Variants in CDH23 observed in about 807,000 individuals in gnomAD.
CDH23 encodes cadherin-23.
In CDH23, 189 loss-of-function variants were observed where a neutral mutation model predicts 317.1. That is an observed-to-expected ratio of 0.60 (90% CI 0.53 to 0.67). The LOEUF (loss-of-function observed/expected upper bound fraction) is 0.67, where lower values mean the gene tolerates loss of function less well. CDH23 is among the 30% of genes least tolerant of loss of function. The pLI is 0.00. For synonymous variants in CDH23, 1,839 were observed against 1,876.8 expected (o/e 0.98, Z 0.52); for missense variants, 4,401 against 4,592.4 (o/e 0.96, Z 1.20).
intron 11 of CDH23, among the ~76,000 whole-genome samples, chr10:71,626,065 T>C (rs1362766241): frequency 6.6e-6 from 1 of 152,262 alleles, no homozygotes; most frequent in Non-Finnish European, 1.5e-5. Context: ...GACTGACTGC[T>C]AAGTCTCCTT....
chr10:71,615,442 C>T, intron 9 of CDH23, 62 bp from the exon 10 acceptor site: 2 of 1,179,376 alleles, frequency 1.7e-6, no homozygotes, highest in Non-Finnish European at 2.5e-6. Flanking sequence ...GCCCCCCTGC[C>T]CCCAGCTCCA....
intron 11 of CDH23, among the ~76,000 whole-genome samples, chr10:71,625,168 G>T (rs74145209): frequency 3.4e-4 from 52 of 151,898 alleles, no homozygotes; most frequent in Non-Finnish European, 6.6e-4. Context: ...CTTGGGACCC[G>T]AGGGTTGAGA....
intron 28 of CDH23, chr10:71,715,313 G>C (rs566724576): frequency 1.2e-4 from 19 of 152,390 alleles, no homozygotes; most frequent in African/African-American, 4.6e-4. Flanking sequence ...CCAAGACCAT[G>C]CTTGGAGAGC....
chr10:71,811,892 C>T (rs1259023210), intron 65 of CDH23, 63 bp from the exon 66 acceptor site: 5 of 1,608,858 alleles, frequency 3.1e-6, no homozygotes, highest in Admixed American at 1.7e-5. Flanking sequence ...CCCTCACCCC[C>T]CAACACCACC....
At chr10:71,451,961 G>A (rs1385660751) in intron 3 of CDH23, among the ~76,000 whole-genome samples, 1 of 152,236 alleles carries the variant, frequency 6.6e-6, no homozygotes, top group East Asian at 1.9e-4. Context: ...GGCATGTCGG[G>A]AGCGAGGTGT....
chr10:71,674,442 T>G (rs1677668665), intron 14 of CDH23, among the ~76,000 whole-genome samples: 1 of 152,184 alleles, frequency 6.6e-6, no homozygotes, highest in Admixed American at 6.5e-5. Context: ...GACCCCAAAG[T>G]CAGTCTGAGG....
intron 3 of CDH23, among the ~76,000 whole-genome samples, chr10:71,478,846 T>G (rs1314442527): frequency 6.6e-6 from 1 of 152,202 alleles, no homozygotes; most frequent in African/African-American, 2.4e-5. Flanking sequence ...TTAGAGCCCC[T>G]CCTTAACAAA....
intron 9 of CDH23, among the ~76,000 whole-genome samples, chr10:71,593,921 C>A (rs764344964): frequency 6.6e-6 from 1 of 152,138 alleles, no homozygotes; most frequent in East Asian, 1.9e-4. Context: ...GGAGTTTAGA[C>A]CAGCCTGGGC....
At chr10:71,592,364 TA>T (rs11295834) in intron 9 of CDH23, among the ~76,000 whole-genome samples, 38,550 of 152,094 alleles carry the variant, frequency 0.25, 5,631 homozygotes, top group African/African-American at 0.4. Context: ...CTTAGTGGCT[TA>T]AAAACCACAG....
intron 11 of CDH23, among the ~76,000 whole-genome samples, chr10:71,621,632 A>G (rs548901277): frequency 6.6e-6 from 1 of 152,206 alleles, no homozygotes; most frequent in Non-Finnish European, 1.5e-5. Context: ...TCTGCGGGGC[A>G]GTCGAGGGAG....
At chr10:71,758,419 A>C (rs1284301577) in intron 38 of CDH23, among the ~76,000 whole-genome samples, 2 of 152,170 alleles carry the variant, frequency 1.3e-5, no homozygotes, top group African/African-American at 4.8e-5. Flanking sequence ...TTCTCAGAAG[A>C]GGGAGGTGCC....
intron 9 of CDH23, among the ~76,000 whole-genome samples, chr10:71,595,528 G>A (rs1859782101): frequency 6.6e-6 from 1 of 152,190 alleles, no homozygotes; most frequent in South Asian, 2.1e-4. Flanking sequence ...TGGCCACCTG[G>A]TTGGCCTGGG....
intron 22 of CDH23, among the ~76,000 whole-genome samples, chr10:71,701,760 A>G (rs1865594518): frequency 6.6e-6 from 1 of 152,084 alleles, no homozygotes; most frequent in Non-Finnish European, 1.5e-5. Flanking sequence ...CCCAGTCTCC[A>G]AAATCCAGGG....
chr10:71,615,542 G>A lies in CDH23; in HGVS notation c.871G>A (p.Gly291Arg), dbSNP rs767343063. The A allele has an allele frequency of 9.9e-6, 16 of 1,613,692 alleles. No homozygotes were observed. The highest frequency in any genetic ancestry group is 2.2e-5 in the East Asian group (1 of 44,856). Residue 291 changes from glycine to arginine, a missense_variant, in exon 10 of 70, where the codon GGA becomes AGA. By Grantham distance (125) the Gly-to-Arg change is moderately radical (BLOSUM62 -2). Around this residue, in one of 3 missense-constraint regions of CDH23, gnomAD observed 3,068 missense variants for 3,203.3 expected, o/e 0.96. Transcript: ENST00000224721. ...NSIFALDYIS[G>R]VLTLNGLLDR... is the part of the protein sequence containing the mutation. ...CATCTTTGCCCTGGACTACATCAGC[G>A]GAGTGCTGACCTTGAATGGCCTGCT...
chr10:71,602,224 C>T (rs1219727507), intron 9 of CDH23, among the ~76,000 whole-genome samples: 2 of 141,384 alleles, frequency 1.4e-5, no homozygotes, highest in Admixed American at 6.9e-5. Flanking sequence ...GCACTTGGGG[C>T]GGGAGGGCAG....
chr10:71,421,392 T>C lies in CDH23; in HGVS notation c.-5-18435T>C, dbSNP rs932685348. ...TGCCTGGGGAGTGGGTGGGGGCATATGAGAAAGAGCCGAGTAAAATTCTTC... is the reference window on the plus strand; with the variant it reads ...TGCCTGGGGAGTGGGTGGGGGCATACGAGAAAGAGCCGAGTAAAATTCTTC... On this transcript the variant is annotated intron_variant, in intron 1 of 69. Transcript: ENST00000224721. Among the ~76,000 whole-genome samples the C allele has an allele frequency of 5.9e-5, 9 of 152,356 alleles. No homozygotes were observed. In the South Asian group the frequency reaches 1.2e-3, roughly 21 times the overall value.
At chr10:71,479,311 AC>A (rs1400437632) in intron 3 of CDH23, among the ~76,000 whole-genome samples, 3 of 151,890 alleles carry the variant, frequency 2.0e-5, no homozygotes, top group African/African-American at 7.3e-5. Context: ...CTCATTTCTT[AC>A]CTCTTCTCTC....
At chr10:71,758,948 C>A (rs570256129) in intron 38 of CDH23, among the ~76,000 whole-genome samples, 1 of 151,844 alleles carries the variant, frequency 6.6e-6, no homozygotes, top group East Asian at 1.9e-4. Flanking sequence ...CGGCTCACTG[C>A]AACTTCTGCC....
chr10:71,537,626 C>T (rs998476414), intron 6 of CDH23, among the ~76,000 whole-genome samples: 3 of 152,042 alleles, frequency 2.0e-5, no homozygotes, highest in African/African-American at 7.2e-5. Flanking sequence ...GTGTGTGGAC[C>T]GCAGGCTTTT....
Sources: gnomAD v4.1 joint callset for allele counts (sites outside exome capture counted in the v4.1 genomes callset) on GRCh38, gnomAD v4.1.1 for gene constraint, gnomAD v4.1.1 regional missense constraint, MANE v1.5 for transcripts, NCBI Gene and HGNC (gene_info 2026-07-23, HGNC 2026-07-21) for gene names.